The following ZSCAN9 variants were observed in gnomAD, a reference collection of about 807,000 sequenced individuals.
ZSCAN9 encodes zinc finger and SCAN domain-containing protein 9.
In ZSCAN9, 19 loss-of-function variants were observed where a neutral mutation model predicts 23.0. That is an observed-to-expected ratio of 0.83 (90% CI 0.58 to 1.21). The LOEUF is 1.21. Ranked by LOEUF, ZSCAN9 falls within the 50% of genes most tolerant of loss-of-function variation. The pLI, the probability that ZSCAN9 is intolerant of heterozygous loss-of-function variation, is 0.00. For synonymous variants in ZSCAN9, 155 were observed against 164.8 expected, an observed-to-expected ratio of 0.94 and a Z score of 0.46; for missense variants, 467 against 471.5, an observed-to-expected ratio of 0.99 and a Z score of 0.09.
Position 28,232,988 on chromosome 6 carries a change from A to G in ZSCAN9, c.995A>G (p.His332Arg). ...GGTCTTATCCAGCATCAGAGAATCC[A>G]CAAAGGAGAAAAGCCGTATCAGTGC... The part of the protein sequence containing the change: ...SAGLIQHQRI[H>R]KGEKPYQCSQ... The change falls in exon 4 of 4, where the codon CAC becomes CGC. Residue 332 changes from histidine (H) to arginine (R), a missense_variant. Physicochemically the swap from His to Arg is conservative, Grantham distance 29. Coordinates refer to ENST00000252207, the MANE Select transcript of ZSCAN9 (RefSeq NM_006299.5). 6.2e-7 allele frequency: 1 copy of G among 1,614,242 alleles called. No homozygotes were observed. Among genetic ancestry groups the G allele is most frequent in the Non-Finnish European group, 8.5e-7 (1 of 1,180,048 alleles).
Position 28,232,618 on chromosome 6 carries a change from A to G in ZSCAN9, c.625A>G (p.Ile209Val), listed in dbSNP as rs754359009. ...ELVLRKDCPK[I>V]VEPHGKMFNE... is the part of the protein sequence containing the mutation. ...GGTGCTAAGGAAAGACTGTCCTAAG[A>G]TAGTGGAACCACATGGGAAAATGTT... is the stretch of plus-strand genomic sequence containing the variant. The change falls in exon 4 of 4, where the codon ATA becomes GTA. Residue 209 changes from isoleucine (I) to valine (V), a missense_variant. Transcript: ENST00000252207. The G allele has an allele frequency of 1.2e-6, 2 of 1,614,258 alleles. No individual in the cohort carries two copies. The highest frequency in any genetic ancestry group is 2.2e-5 in the South Asian group (2 of 91,086).
chr6:28,230,379 TG>T, intron 3 of ZSCAN9: 1 of 1,536,072 alleles, frequency 6.5e-7, no homozygotes, highest in Non-Finnish European at 8.7e-7. Flanking sequence ...TGATCCCACT[TG>T]GGGCCCATCT....
At chr6:28,225,424 AG>A (rs986038369) in intron 1 of ZSCAN9, 58 bp downstream of exon 1, 33 of 152,350 alleles carry the variant, frequency 2.2e-4, no homozygotes, top group African/African-American at 7.2e-4. Context: ...GGGCTGGAAA[AG>A]GGGTGTGGAA....
chr6:28,231,770 C>A (rs1190585783), intron 3 of ZSCAN9, among the ~76,000 whole-genome samples: 1 of 151,964 alleles, frequency 6.6e-6, no homozygotes, highest in African/African-American at 2.4e-5. Flanking sequence ...TGGAATCTTC[C>A]ATGTAGTATA....
chr6:28,226,080 G>C (rs1760107899), intron 1 of ZSCAN9, among the ~76,000 whole-genome samples: 1 of 152,168 alleles, frequency 6.6e-6, no homozygotes, highest in African/African-American at 2.4e-5. Flanking sequence ...TCAAAAAGAA[G>C]TTGACCTTGG....
Position 28,227,359 on chromosome 6 carries a change from T to G in ZSCAN9, c.275T>G (p.Leu92Trp), listed in dbSNP as rs1181410795. 1 of 1,614,234 alleles carries G rather than the reference T, an allele frequency of 6.2e-7. No individual in the cohort carries two copies. The highest frequency in any genetic ancestry group is 8.5e-7 in the Non-Finnish European group (1 of 1,180,042). The change falls in exon 2 of 4, where the codon TTG becomes TGG. Residue 92 changes from leucine (L) to tryptophan (W), a missense_variant. By Grantham distance (61) the Leu-to-Trp change is moderately conservative. Coordinates refer to ENST00000252207, the MANE Select transcript of ZSCAN9 (RefSeq NM_006299.5). ...RPHVSTKEQI[L>W]DLLVLEQFLS... is the part of the protein sequence containing the mutation. ...CATGTGAGCACAAAGGAGCAGATTT[T>G]GGATCTGCTGGTGCTGGAGCAGTTT...
Position 28,227,082 on chromosome 6 carries a change from A to T in ZSCAN9, c.-3A>T. 6.2e-7 allele frequency: 1 copy of T among 1,612,122 alleles called. No individual in the cohort carries two copies. Among genetic ancestry groups the T allele is most frequent in the Non-Finnish European group, 8.5e-7 (1 of 1,178,880 alleles). ...GGTACCTTTTAAGCTGTTCAAGGTC[A>T]AGATGAATACAAACTCAAAGGAGGT... On this transcript the variant is annotated 5_prime_UTR_variant, in exon 2 of 4. Coordinates refer to ENST00000252207, the MANE Select transcript of ZSCAN9 (RefSeq NM_006299.5).
Position 28,233,265 on chromosome 6 carries a change from C to T in ZSCAN9, c.*87C>T. ...AGAAAATGCCTCTTTCTTCCTTTCT[C>T]CATGAAATGTGTTTGAAACAAATCC... On this transcript the variant is annotated 3_prime_UTR_variant, in exon 4 of 4. Transcript: ENST00000252207. 1 of 1,521,030 alleles carries T rather than the reference C, an allele frequency of 6.6e-7. No individual in the cohort carries two copies. The highest frequency in any genetic ancestry group is 8.8e-7 in the Non-Finnish European group (1 of 1,139,404). The allele number at this position is 1,521,030 out of a possible 1,614,324, so 94.2% of individuals were successfully genotyped here. A position where few individuals can be genotyped will look rare whatever the true frequency, so the allele number is the denominator to read the frequency against.
At chr6:28,230,314 C>G in intron 3 of ZSCAN9, 1 of 1,503,360 alleles carries the variant, frequency 6.7e-7, no homozygotes, top group Non-Finnish European at 8.9e-7. Context: ...TATATTCTAC[C>G]CAGCTCCCTT....
chr6:28,227,186 A>G lies in ZSCAN9; in HGVS notation c.102A>G (p.Gln34=). 1 of 1,614,218 alleles carries G rather than the reference A, an allele frequency of 6.2e-7. No individual in the cohort carries two copies. The highest frequency in any genetic ancestry group is 8.5e-7 in the Non-Finnish European group (1 of 1,180,036). ...TMKVEAKSHL[Q]WQESRLKRSN... ...AAGTGGAAGCAAAAAGTCACCTTCAATGGCAGGAATCCAGACTGAAACGCA... is the reference window on the plus strand; with the variant it reads ...AAGTGGAAGCAAAAAGTCACCTTCAGTGGCAGGAATCCAGACTGAAACGCA... Residue 34 remains glutamine (Q), a synonymous_variant, in exon 2 of 4, where the codon CAA becomes CAG. Transcript: ENST00000252207.
At chr6:28,232,238 G>A (rs1561848105) in intron 3 of ZSCAN9, among the ~76,000 whole-genome samples, 1 of 152,206 alleles carries the variant, frequency 6.6e-6, no homozygotes. Context: ...GACTGAGGCA[G>A]GAGAATCGCT....
chr6:28,225,261 G>C (rs946602054), upstream of ZSCAN9: 1 of 152,058 alleles, frequency 6.6e-6, no homozygotes, highest in African/African-American at 2.4e-5. Context: ...GTCCGCCTTC[G>C]AGGAGAGGTC....
At chr6:28,231,565 C>T (rs938418570) in intron 3 of ZSCAN9, among the ~76,000 whole-genome samples, 1 of 152,054 alleles carries the variant, frequency 6.6e-6, no homozygotes, top group Non-Finnish European at 1.5e-5. Context: ...GCCAGCATGA[C>T]GAAATCTCAT....
intron 3 of ZSCAN9, 86 bp from the exon 4 acceptor site, chr6:28,232,476 T>C (rs1017428131): frequency 4.0e-6 from 6 of 1,518,280 alleles, no homozygotes; most frequent in African/African-American, 2.8e-5. Flanking sequence ...CACTTCCTTT[T>C]CTATGATATA....
intron 3 of ZSCAN9, chr6:28,230,225 A>G: frequency 2.1e-6 from 2 of 952,526 alleles, no homozygotes; most frequent in Non-Finnish European, 3.0e-6. Context: ...TCAGTTTGAT[A>G]ATATATCTGA....
rs1760154450 is a variant in ZSCAN9, at chr6:28,227,495, A to T, written c.411A>T (p.Pro137=). 2 of 1,595,376 alleles carry T rather than the reference A, an allele frequency of 1.3e-6. No individual in the cohort carries two copies. The highest frequency in any genetic ancestry group is 1.7e-6 in the Non-Finnish European group (2 of 1,171,854). The change falls in exon 2 of 4, where the codon CCA becomes CCT. Residue 137 remains proline, a synonymous_variant. Transcript: ENST00000252207. ...LEDLERELDE[P]QHEMVAHRHR... ...ATCTGGAGAGAGAGCTCGATGAACC[A>T]CAACATGAGGTAGGAAGGGAGATTT...
At chr6:28,226,174 G>A (rs1760111568) in intron 1 of ZSCAN9, among the ~76,000 whole-genome samples, 3 of 152,200 alleles carry the variant, frequency 2.0e-5, no homozygotes, top group Admixed American at 2.0e-4. Context: ...TAATTGTGAG[G>A]ATGAAATATA....
chr6:28,232,699 G>C lies in ZSCAN9; in HGVS notation c.706G>C (p.Glu236Gln). ...GGATCCCTCACATGGAGAAGTTGGT[G>C]AACATAAGGATAGGATAGAGAGGCA... ...QQDPSHGEVG[E>Q]HKDRIERQWG... is the part of the protein sequence containing the mutation. The change falls in exon 4 of 4, where the codon GAA (glutamate) becomes CAA (glutamine). Residue 236 changes from glutamate (E) to glutamine (Q), a missense_variant. Transcript: ENST00000252207. 2 of 1,614,188 alleles carry C rather than the reference G, an allele frequency of 1.2e-6. No individual in the cohort carries two copies. The highest frequency in any genetic ancestry group is 1.7e-6 in the Non-Finnish European group (2 of 1,180,038).
chr6:28,232,705 A>C lies in ZSCAN9; in HGVS notation c.712A>C (p.Lys238Gln). Residue 238 changes from lysine (K) to glutamine (Q), a missense_variant, in exon 4 of 4, where the codon AAG becomes CAG. Transcript: ENST00000252207. ...CTCACATGGAGAAGTTGGTGAACAT[A>C]AGGATAGGATAGAGAGGCAGTGGGG... ...DPSHGEVGEHKDRIERQWGNL... is the reference protein window; with the variant it reads ...DPSHGEVGEHQDRIERQWGNL... 1 of 1,614,184 alleles carries C rather than the reference A, an allele frequency of 6.2e-7. No individual in the cohort carries two copies. The highest frequency in any genetic ancestry group is 8.5e-7 in the Non-Finnish European group (1 of 1,180,032).
Sources: gnomAD v4.1 joint callset for allele counts (sites outside exome capture counted in the v4.1 genomes callset) on GRCh38, gnomAD v4.1.1 for gene constraint, MANE v1.5 for transcripts, NCBI Gene and HGNC (gene_info 2026-07-23, HGNC 2026-07-21) for gene names.